OSCAR: variants seen among roughly 807,000 people sequenced by gnomAD.
OSCAR encodes osteoclast-associated immunoglobulin-like receptor.
Under a neutral mutation model 27.3 loss-of-function variants are expected in OSCAR, and 25 were observed. That is an observed-to-expected ratio of 0.92 (90% CI 0.67 to 1.28). OSCAR has a LOEUF of 1.28. Among genes scored for constraint, OSCAR ranks in the 50% most tolerant of loss-of-function variants. OSCAR has a pLI of 0.00. For missense variants in OSCAR, 354 were observed against 355.1 expected (o/e 1.00, Z 0.03); for synonymous variants, 158 against 165.7 (o/e 0.95, Z 0.36).
intron 1 of OSCAR, among the ~76,000 whole-genome samples, chr19:54,100,277 G>A (rs1271923646): frequency 2.0e-5 from 3 of 152,118 alleles, no homozygotes; most frequent in East Asian, 1.9e-4. Context: ...CCCACCTACC[G>A]AAGAAGTCTG....
chr19:54,094,890 CCCCATTCAA>C lies in OSCAR; in HGVS notation c.*322_*330del. 1 of 291,126 alleles carries C rather than the reference CCCCATTCAA, an allele frequency of 3.4e-6. No individual in the cohort carries two copies. Among genetic ancestry groups the C allele is most frequent in the East Asian group, 6.3e-5 (1 of 15,900 alleles). The allele number at this position is 291,126 out of a possible 1,614,324, so 18.0% of individuals were successfully genotyped here. On this transcript the variant is annotated 3_prime_UTR_variant, in exon 5 of 5. Coordinates refer to ENST00000358375, the MANE Select transcript of OSCAR (RefSeq NM_133169.6). ...TGTAAGACAGAAAAGTTCTCCAGGT[CCCCATTCAA>C]CCCAGGAAGTCCAGCTGGCTTCACG...
chr19:54,098,247 A>G (rs2072854129), intron 2 of OSCAR, among the ~76,000 whole-genome samples: 1 of 152,180 alleles, frequency 6.6e-6, no homozygotes, highest in Admixed American at 6.6e-5. Flanking sequence ...GATATCACTT[A>G]TTCACAAATC....
In OSCAR at chr19:54,098,718, G is replaced by GC. The variant is rs1453840523; in HGVS notation, c.70+1029dup. On this transcript the variant is annotated intron_variant, in intron 2 of 4. Coordinates refer to ENST00000358375, the MANE Select transcript of OSCAR (RefSeq NM_133169.6). ...ATAAAAATAAGGGTCGGGTGAGGGG[G>GC]CTCATGTTTGTAATCCCAACACTTT... Among the ~76,000 whole-genome samples the GC allele has an allele frequency of 3.9e-5, 6 of 151,960 alleles. No homozygotes were observed. The East Asian group carries it at 1.2e-3, about 30-fold the overall frequency.
chr19:54,095,792 G>C (rs1304215345), intron 4 of OSCAR, 80 bp downstream of exon 4: 28 of 1,546,290 alleles, frequency 1.8e-5, no homozygotes, highest in Non-Finnish European at 2.4e-5. Flanking sequence ...TGGGGGCCTG[G>C]GCTCCTGGGT....
chr19:54,100,459 A>T (rs1487973555), intron 1 of OSCAR, among the ~76,000 whole-genome samples: 1 of 152,020 alleles, frequency 6.6e-6, no homozygotes, highest in Non-Finnish European at 1.5e-5. Context: ...TTCCCAGGGA[A>T]TCAGGAGTCC....
At chr19:54,100,610 G>A in intron 1 of OSCAR, 146 bp downstream of exon 1, 1 of 818,014 alleles carries the variant, frequency 1.2e-6, no homozygotes, top group Non-Finnish European at 1.9e-6. Flanking sequence ...GGACCCAGGG[G>A]TCTGGGCCCC....
At chr19:54,097,883 G>A (rs1183927794) in intron 2 of OSCAR, among the ~76,000 whole-genome samples, 1 of 151,938 alleles carries the variant, frequency 6.6e-6, no homozygotes, top group Non-Finnish European at 1.5e-5. Flanking sequence ...TTACAGGTGT[G>A]AGCCACCACG....
chr19:54,096,262 C>T, intron 3 of OSCAR, 109 bp from the exon 4 acceptor site: 2 of 964,304 alleles, frequency 2.1e-6, no homozygotes, highest in South Asian at 1.7e-5. Context: ...CTCTCTCTCT[C>T]TTTCTGCCTC....
chr19:54,099,530 G>A, intron 2 of OSCAR: 3 of 1,441,050 alleles, frequency 2.1e-6, no homozygotes, highest in South Asian at 1.1e-5. Flanking sequence ...GAATACGATG[G>A]TGAAACTGAG....
chr19:54,095,298 C>A lies in OSCAR; in HGVS notation c.715G>T (p.Val239Phe). 1 of 1,587,796 alleles carries A rather than the reference C, an allele frequency of 6.3e-7. No homozygotes were observed. Among genetic ancestry groups the A allele is most frequent in the Non-Finnish European group, 8.6e-7 (1 of 1,167,712 alleles). Residue 239 changes from valine to phenylalanine, a missense_variant, in exon 5 of 5, where the codon GTC (valine) becomes TTC (phenylalanine). Coordinates refer to ENST00000358375, the MANE Select transcript of OSCAR (RefSeq NM_133169.6). ...ACCAGCGCGCCCAGGGAGATGAGGACCAGCCCGGCCAGCCCCAGGCGGACT... is the reference window on the plus strand; with the variant it reads ...ACCAGCGCGCCCAGGGAGATGAGGAACAGCCCGGCCAGCCCCAGGCGGACT... ...NLVRLGLAGL[V>F]LISLGALVTF...
intron 3 of OSCAR, 84 bp downstream of exon 3, chr19:54,096,778 C>G: frequency 2.8e-6 from 4 of 1,446,172 alleles, no homozygotes; most frequent in Non-Finnish European, 3.7e-6. Flanking sequence ...CCGCCTCGCT[C>G]TGTCTCTCTT....
chr19:54,100,753 C>T lies in OSCAR; in HGVS notation c.37+3G>A. ...ACCCAGGGAGAAGAAAGGGGTGACTCACAGAGGGTCAGCAGCTGGAGGATC... is the reference window on the plus strand; with the variant it reads ...ACCCAGGGAGAAGAAAGGGGTGACTTACAGAGGGTCAGCAGCTGGAGGATC... On this transcript the variant is annotated splice_donor_region_variant and intron_variant, in intron 1 of 4. Coordinates refer to ENST00000358375, the MANE Select transcript of OSCAR (RefSeq NM_133169.6). The T allele has an allele frequency of 6.4e-7, 1 of 1,552,012 alleles. No individual in the cohort carries two copies. The highest frequency in any genetic ancestry group is 8.7e-7 in the Non-Finnish European group (1 of 1,147,138).
chr19:54,095,370 C>A lies in OSCAR; in HGVS notation c.656-13G>T. On this transcript the variant is annotated splice_polypyrimidine_tract_variant and intron_variant, in intron 4 of 4. Transcript: ENST00000358375. ...GAGGAGCCAGAGTCTGCGGGCGGAG[C>A]CGGGAGAGAGGGGCCATCAGCTCCC... The A allele has an allele frequency of 6.4e-7, 1 of 1,550,922 alleles. No individual in the cohort carries two copies. The highest frequency in any genetic ancestry group is 2.0e-5 in the Admixed American group (1 of 50,752).
chr19:54,099,363 C>T (rs940590680), intron 2 of OSCAR, among the ~76,000 whole-genome samples: 1 of 151,398 alleles, frequency 6.6e-6, no homozygotes, highest in Admixed American at 6.6e-5. Context: ...GCCATTGCGC[C>T]CAGCCCAAGA....
At chr19:54,100,705 T>G in intron 1 of OSCAR, 51 bp downstream of exon 1, 2 of 1,535,188 alleles carry the variant, frequency 1.3e-6, no homozygotes, top group South Asian at 1.2e-5. Context: ...TGCCTCTCTC[T>G]CTGCCCCCAA....
chr19:54,099,639 G>A (rs1255808134), intron 2 of OSCAR, 109 bp downstream of exon 2: 2 of 1,613,612 alleles, frequency 1.2e-6, no homozygotes, highest in Admixed American at 1.7e-5. Context: ...AATGGAGGGA[G>A]GGAGGAAAAT....
chr19:54,097,254 A>T, intron 2 of OSCAR, 90 bp from the exon 3 acceptor site: 1 of 1,292,772 alleles, frequency 7.7e-7, no homozygotes, highest in Non-Finnish European at 1.1e-6. Context: ...ATCACCTTGG[A>T]CAATTACTGC....
chr19:54,096,754 G>A, intron 3 of OSCAR, 108 bp downstream of exon 3: 1 of 1,227,062 alleles, frequency 8.1e-7, no homozygotes, highest in Non-Finnish European at 1.1e-6. Flanking sequence ...TCTTGTGTCT[G>A]TGAATCTGTT....
In OSCAR at chr19:54,095,972, C is replaced by T; in HGVS notation, c.555G>A (p.Leu185=). Reference sequence around the variant, plus strand: ...TGTAGGTGCCGGGGGCGCGGGCGCCCAGCAGCGTGAAGTCGGCCCAGGGCT... The same window carrying T: ...TGTAGGTGCCGGGGGCGCGGGCGCCTAGCAGCGTGAAGTCGGCCCAGGGCT... ...SAQPWADFTL[L]GARAPGTYSC... is the part of the protein sequence containing the mutation. The change falls in exon 4 of 5, where the codon CTG becomes CTA. Residue 185 remains leucine, a synonymous_variant. Coordinates refer to ENST00000358375, the MANE Select transcript of OSCAR (RefSeq NM_133169.6). The T allele has an allele frequency of 1.3e-6, 2 of 1,590,526 alleles. No homozygotes were observed. Among genetic ancestry groups the T allele is most frequent in the South Asian group, 2.3e-5 (2 of 87,662 alleles).
Sources: allele counts gnomAD v4.1 joint callset (sites outside exome capture counted in the v4.1 genomes callset), GRCh38; gene constraint gnomAD v4.1.1; transcripts MANE v1.5; gene names NCBI Gene and HGNC (gene_info 2026-07-23, HGNC 2026-07-21).